MYO16: variants seen among roughly 807,000 people sequenced by gnomAD.
MYO16 encodes the protein myosin XVI, also known as unconventional myosin-XVI.
Under a neutral mutation model 205.3 loss-of-function variants are expected in MYO16, and 94 were observed. The observed-to-expected ratio is 0.46, with a 90% CI of 0.39 to 0.54. MYO16 has a LOEUF of 0.54. MYO16 is among the 20% of genes least tolerant of loss of function. The pLI is 0.00. For missense variants in MYO16, 2,315 were observed against 2,387.5 expected (o/e 0.97, Z 0.63); for synonymous variants, 988 against 954.0 (o/e 1.04, Z -0.66).
chr13:108,818,347 GCACTCCAGCCTGGGTGAGAAAGTGAAA>G (rs2139010247), intron 7 of MYO16, among the ~76,000 whole-genome samples: 1 of 150,324 alleles, frequency 6.7e-6, no homozygotes, highest in East Asian at 2.0e-4. Flanking sequence ...TGGCGCCACT[GCACTCCAGCCTGGGTGAGAAAGTGAAA>G]CAACGTCTCA....
intron 20 of MYO16, among the ~76,000 whole-genome samples, chr13:108,982,337 C>T (rs1355644401): frequency 6.6e-6 from 1 of 152,156 alleles, no homozygotes; most frequent in African/African-American, 2.4e-5. Flanking sequence ...CTCATAGCAT[C>T]ATATTATCTA....
intron 6 of MYO16, among the ~76,000 whole-genome samples, chr13:108,796,823 C>T (rs1315502970): frequency 1.4e-5 from 2 of 147,954 alleles, no homozygotes; most frequent in Non-Finnish European, 3.0e-5. Context: ...TGTAAAATGA[C>T]GAGTTAATGG....
intron 16 of MYO16, among the ~76,000 whole-genome samples, chr13:108,926,585 A>C (rs756604334): frequency 1.3e-5 from 2 of 152,160 alleles, no homozygotes; most frequent in Non-Finnish European, 2.9e-5. Context: ...CGAGGGCTTC[A>C]TGAAAAAGTC....
chr13:109,199,681 C>T (rs1432372914), intron 34 of MYO16, among the ~76,000 whole-genome samples: 1 of 152,138 alleles, frequency 6.6e-6, no homozygotes, highest in Non-Finnish European at 1.5e-5. Flanking sequence ...ACTCACGCTG[C>T]CAGCAGCATC....
rs1485286166 is a variant in MYO16, at chr13:109,013,855, T to G, written c.2595+4806T>G. On this transcript the variant is annotated intron_variant, in intron 22 of 34. Coordinates refer to ENST00000457511, the MANE Select transcript of MYO16 (RefSeq NM_001198950.3). ...AAATTTGTTTAAGTTCTTTGTAGAT[T>G]CCGGATATTAGCCCTTTGTCAGATG... is the stretch of plus-strand genomic sequence containing the variant. Among the ~76,000 whole-genome samples the G allele has an allele frequency of 2.0e-5, 3 of 152,240 alleles. 1 individual carries two copies. In the East Asian group the frequency reaches 5.8e-4, roughly 29 times the overall value.
At chr13:108,776,786 T>C (rs964172815) in intron 4 of MYO16, among the ~76,000 whole-genome samples, 2 of 152,218 alleles carry the variant, frequency 1.3e-5, no homozygotes, top group Non-Finnish European at 2.9e-5. Context: ...TAACCCGTTT[T>C]ATCTTCACAA....
chr13:108,676,160 G>A (rs972259449), intron 2 of MYO16, among the ~76,000 whole-genome samples: 18 of 152,230 alleles, frequency 1.2e-4, no homozygotes, highest in East Asian at 9.7e-4. Flanking sequence ...CTTTAGGAAC[G>A]TTTTAGGCAA....
At chr13:108,834,437 C>A (rs1457454113) in intron 9 of MYO16, among the ~76,000 whole-genome samples, 1 of 151,926 alleles carries the variant, frequency 6.6e-6, no homozygotes, top group Non-Finnish European at 1.5e-5. Context: ...CTCAAAGGGG[C>A]AGAGAAAAAA....
intron 4 of MYO16, among the ~76,000 whole-genome samples, chr13:108,746,001 C>A (rs1001570409): frequency 6.6e-6 from 1 of 151,428 alleles, no homozygotes; most frequent in Non-Finnish European, 1.5e-5. Context: ...TCCTGGCTAA[C>A]ACAGTGAAAC....
intron 3 of MYO16, among the ~76,000 whole-genome samples, chr13:108,719,558 G>C (rs1027733890): frequency 6.6e-6 from 1 of 152,038 alleles, no homozygotes; most frequent in Non-Finnish European, 1.5e-5. Context: ...GTGAGTTCTT[G>C]TTTATAATAG....
At chr13:109,133,110 C>T (rs376312104) in intron 31 of MYO16, among the ~76,000 whole-genome samples, 4 of 152,280 alleles carry the variant, frequency 2.6e-5, no homozygotes, top group South Asian at 4.1e-4. Context: ...AACAAAGTTG[C>T]GACATATGAC....
intron 4 of MYO16, among the ~76,000 whole-genome samples, chr13:108,765,240 G>A (rs561564802): frequency 3.5e-4 from 53 of 152,122 alleles, no homozygotes; most frequent in African/African-American, 1.2e-3. Flanking sequence ...GTATGCAGTT[G>A]CATTATATAA....
At chr13:108,885,274 C>T (rs1032817676) in intron 13 of MYO16, among the ~76,000 whole-genome samples, 17 of 152,228 alleles carry the variant, frequency 1.1e-4, no homozygotes, top group African/African-American at 4.1e-4. Flanking sequence ...CATGTGCCAC[C>T]ACGCCCGGCT....
At chr13:108,673,014 A>G (rs1275489532) in intron 2 of MYO16, among the ~76,000 whole-genome samples, 3 of 152,142 alleles carry the variant, frequency 2.0e-5, no homozygotes, top group African/African-American at 7.2e-5. Context: ...TTTCAATAAC[A>G]TATGTAGTAG....
chr13:109,129,981 CAAA>C (rs34860945), intron 31 of MYO16, among the ~76,000 whole-genome samples: 17 of 98,996 alleles, frequency 1.7e-4, no homozygotes, highest in Non-Finnish European at 1.4e-4. Flanking sequence ...CTATGGGCAG[CAAA>C]AAAAAAAAAA....
intron 1 of MYO16, among the ~76,000 whole-genome samples, chr13:108,620,486 C>T (rs1879499868): frequency 6.6e-6 from 1 of 152,234 alleles, no homozygotes; most frequent in East Asian, 1.9e-4. Context: ...GACTCATTCT[C>T]TTGATGCAAA....
chr13:108,839,526 G>A (rs1490917310), intron 9 of MYO16, among the ~76,000 whole-genome samples: 1 of 152,084 alleles, frequency 6.6e-6, no homozygotes, highest in African/African-American at 2.4e-5. Context: ...GGCATATGTA[G>A]ATAGCTACAT....
chr13:108,930,990 A>G (rs1394348249), intron 16 of MYO16, among the ~76,000 whole-genome samples: 2 of 152,228 alleles, frequency 1.3e-5, no homozygotes, highest in African/African-American at 2.4e-5. Flanking sequence ...ATATCTGTGA[A>G]TGAAAATGAA....
chr13:108,856,316 A>T (rs191349904), intron 11 of MYO16, among the ~76,000 whole-genome samples: 2 of 152,332 alleles, frequency 1.3e-5, no homozygotes, highest in Admixed American at 1.3e-4. Context: ...CCTTTTTGAT[A>T]ACACTTGTTT....
Sources: gnomAD v4.1 joint callset for allele counts (sites outside exome capture counted in the v4.1 genomes callset) on GRCh38, gnomAD v4.1.1 for gene constraint, MANE v1.5 for transcripts, NCBI Gene and HGNC (gene_info 2026-07-23, HGNC 2026-07-21) for gene names.